NOS1: variants seen among roughly 807,000 people sequenced by gnomAD.
The protein encoded by NOS1 is nitric oxide synthase 1, also known as NOS type I.
A neutral mutation model predicts 164.5 loss-of-function variants in NOS1; 51 were observed. The observed-to-expected ratio is 0.31, with a 90% CI of 0.25 to 0.39. The LOEUF (loss-of-function observed/expected upper bound fraction) is 0.39. Ranked by LOEUF, NOS1 falls within the 10% of genes least tolerant of loss-of-function variation. The pLI, the probability that NOS1 is intolerant of heterozygous loss-of-function variation, is 1.00. For missense variants in NOS1, 1,362 were observed against 1,885.6 expected (o/e 0.72, Z 5.14); for synonymous variants, 719 against 745.8 (o/e 0.96, Z 0.59).
chr12:117,284,063 A>G (rs1037723863), intron 7 of NOS1, among the ~76,000 whole-genome samples: 1 of 152,144 alleles, frequency 6.6e-6, no homozygotes, highest in Non-Finnish European at 1.5e-5. Context: ...CCGTTTTCTT[A>G]CTGGTGGACT....
At chr12:117,357,911 C>T (rs1354258255) in intron 1 of NOS1, among the ~76,000 whole-genome samples, 2 of 152,152 alleles carry the variant, frequency 1.3e-5, no homozygotes, top group East Asian at 1.9e-4. Context: ...GAAACATGCC[C>T]CTCTGTTCAA....
intron 3 of NOS1, among the ~76,000 whole-genome samples, chr12:117,290,890 G>A (rs750147988): frequency 8.5e-5 from 13 of 152,154 alleles, no homozygotes; most frequent in Middle Eastern, 3.4e-3. Context: ...CATTTCTGGC[G>A]AGTACTGAGA....
At chr12:117,359,874 TTTTATATATATATATATATATATATATA>T (rs1322884631) in intron 1 of NOS1, among the ~76,000 whole-genome samples, 1,024 of 44,202 alleles carry the variant, frequency 0.023, 73 homozygotes, top group Middle Eastern at 0.067. Context: ...ACAATAATGG[TTTTATATATATATATATATATATATATA>T]TATATATATA....
chr12:117,291,604 G>A (rs1873069313), intron 3 of NOS1, among the ~76,000 whole-genome samples: 1 of 137,796 alleles, frequency 7.3e-6, no homozygotes, highest in East Asian at 2.3e-4. Context: ...TCCAATCATA[G>A]CTCACTGTAG....
chr12:117,231,765 C>T (rs1395500423), intron 22 of NOS1, among the ~76,000 whole-genome samples, 197 bp downstream of exon 22: 1 of 152,162 alleles, frequency 6.6e-6, no homozygotes, highest in Non-Finnish European at 1.5e-5. Flanking sequence ...AAGGGAGTCA[C>T]TCTTGCTCTG....
intron 3 of NOS1, chr12:117,309,378 C>T (rs1183302208): frequency 2.0e-6 from 2 of 985,388 alleles, no homozygotes; most frequent in Non-Finnish European, 2.4e-6. Flanking sequence ...AAAGCAGTTA[C>T]CACCAAGGCT....
chr12:117,328,546 C>T (rs184846428), intron 2 of NOS1, among the ~76,000 whole-genome samples: 1 of 151,294 alleles, frequency 6.6e-6, no homozygotes. Flanking sequence ...TGATCCCATC[C>T]TTCCCTGCTT....
intron 1 of NOS1, among the ~76,000 whole-genome samples, chr12:117,346,788 C>T (rs1876371997): frequency 6.6e-6 from 1 of 152,180 alleles, no homozygotes; most frequent in East Asian, 1.9e-4. Context: ...GTGACCTACA[C>T]AAATGGCCAT....
chr12:117,210,480 C>T lies in NOS1; in HGVS notation c.*4829G>A. ...ACAGCGGCATGCTGGGTATGTGGGG[C>T]AGCGGGTAGGGAAATATACAAGGAA... On this transcript the variant is annotated 3_prime_UTR_variant, in exon 29 of 29. Transcript: ENST00000317775. The T allele has an allele frequency of 1.0e-6, 1 of 985,418 alleles. No homozygotes were observed. The allele number at this position is 985,418 out of a possible 1,614,324, so 61.0% of individuals were successfully genotyped here.
rs919925117 is a variant in NOS1 at position 117,212,766 on chromosome 12, C to G, written c.*2543G>C. The G allele has an allele frequency of 2.0e-6, 2 of 985,460 alleles. No homozygotes were observed. Among genetic ancestry groups the G allele is most frequent in the Non-Finnish European group, 2.4e-6 (2 of 829,950 alleles). The allele number at this position is 985,460 out of a possible 1,614,324, so 61.0% of individuals were successfully genotyped here. On this transcript the variant is annotated 3_prime_UTR_variant, in exon 29 of 29. Transcript: ENST00000317775. Reference sequence around the variant, plus strand: ...ACGAGGCCTGGATGAAAAGCCACCACGAGAGGGCAGTATTTCCCCACCCTT... The same window carrying G: ...ACGAGGCCTGGATGAAAAGCCACCAGGAGAGGGCAGTATTTCCCCACCCTT...
At chr12:117,308,212 C>T (rs561694162) in intron 3 of NOS1, among the ~76,000 whole-genome samples, 1 of 151,524 alleles carries the variant, frequency 6.6e-6, no homozygotes, top group Non-Finnish European at 1.5e-5. Flanking sequence ...CAGATTGTTG[C>T]CCCATAAGAA....
At chr12:117,242,176 C>G (rs1870231308) in intron 20 of NOS1, among the ~76,000 whole-genome samples, 1 of 152,176 alleles carries the variant, frequency 6.6e-6, no homozygotes, top group Non-Finnish European at 1.5e-5. Context: ...GACTTCAAAA[C>G]ACAGAGTGGG....
chr12:117,353,483 C>A (rs892990667), intron 1 of NOS1, among the ~76,000 whole-genome samples: 4 of 152,172 alleles, frequency 2.6e-5, no homozygotes, highest in African/African-American at 9.7e-5. Flanking sequence ...CATTATTACA[C>A]CTAAGAAAAT....
At chr12:117,246,764 T>A (rs1466706344) in intron 18 of NOS1, among the ~76,000 whole-genome samples, 1 of 152,240 alleles carries the variant, frequency 6.6e-6, no homozygotes, top group East Asian at 1.9e-4. Context: ...CCACTTAGTG[T>A]AAAGTTTTCA....
chr12:117,344,483 GA>G (rs1383602047), intron 1 of NOS1, among the ~76,000 whole-genome samples: 16 of 152,158 alleles, frequency 1.1e-4, no homozygotes, highest in African/African-American at 3.9e-4. Flanking sequence ...AACATGACAT[GA>G]CATTATAATT....
intron 4 of NOS1, among the ~76,000 whole-genome samples, chr12:117,289,328 G>C (rs557737528): frequency 2.0e-5 from 3 of 152,314 alleles, no homozygotes; most frequent in South Asian, 4.1e-4. Flanking sequence ...TTACATAAGA[G>C]AGTGAGAATC....
rs137995152 is a variant in NOS1, at chr12:117,338,249, A to G, written c.-420-6760T>C. On this transcript the variant is annotated intron_variant, in intron 1 of 28. Coordinates refer to ENST00000317775, the MANE Select transcript of NOS1 (RefSeq NM_000620.5). ...ACAAAAAAAAACAAAACAAAACAAAATAAAAATTAGGCATGGTGACACATG... is the reference window on the plus strand; with the variant it reads ...ACAAAAAAAAACAAAACAAAACAAAGTAAAAATTAGGCATGGTGACACATG... 2.2e-4 allele frequency among the ~76,000 whole-genome samples: 34 copies of G among 151,752 alleles called. No individual in the cohort carries two copies. The East Asian group carries it at 5.5e-3, about 24-fold the overall frequency.
intron 20 of NOS1, among the ~76,000 whole-genome samples, chr12:117,239,017 G>A (rs117936502): frequency 0.011 from 1,738 of 152,284 alleles, 16 homozygotes; most frequent in Non-Finnish European, 0.016. Flanking sequence ...CAAAGTGGTG[G>A]GTCTGAGATG....
chr12:117,320,912 CT>C (rs1874887022), intron 2 of NOS1, among the ~76,000 whole-genome samples: 1 of 152,186 alleles, frequency 6.6e-6, no homozygotes, highest in East Asian at 1.9e-4. Flanking sequence ...CCTGACCCCC[CT>C]ATCTAATGCT....
Sources: gnomAD v4.1 joint callset for allele counts (sites outside exome capture counted in the v4.1 genomes callset) on GRCh38, gnomAD v4.1.1 for gene constraint, MANE v1.5 for transcripts, NCBI Gene and HGNC (gene_info 2026-07-23, HGNC 2026-07-21) for gene names.